SYN2: variants seen among roughly 807,000 people sequenced by gnomAD.
SYN2 encodes synapsin-2.
A neutral mutation model predicts 50.9 loss-of-function variants in SYN2; 19 were observed. The ratio of observed to expected loss-of-function variants is 0.37; its 90% CI spans 0.26 to 0.55. The LOEUF (loss-of-function observed/expected upper bound fraction) is 0.55, where lower values mean the gene tolerates loss of function less well. Ranked by LOEUF, SYN2 falls within the 20% of genes least tolerant of loss-of-function variation. The pLI is 0.81. For synonymous variants in SYN2, 255 were observed against 224.9 expected, an observed-to-expected ratio of 1.13 and a Z score of -1.20; for missense variants, 587 against 576.4, an observed-to-expected ratio of 1.02 and a Z score of -0.19.
At chr3:12,069,192 T>C (rs759000959) in intron 1 of SYN2, among the ~76,000 whole-genome samples, 12 of 152,250 alleles carry the variant, frequency 7.9e-5, no homozygotes, top group Non-Finnish European at 1.8e-4. Flanking sequence ...GTTTCCACTT[T>C]TTGGCCGTAT....
At position 12,082,032 on chromosome 3, in the gene SYN2, AT is replaced by A. The variant is rs879300015; in HGVS notation, c.378-58617del. 7.9e-5 allele frequency among the ~76,000 whole-genome samples: 12 copies of A among 152,324 alleles called. No individual in the cohort carries two copies. The East Asian group carries it at 2.3e-3, about 29-fold the overall frequency. On this transcript the variant is annotated intron_variant, in intron 1 of 12. Coordinates refer to ENST00000621198, the MANE Select transcript of SYN2 (RefSeq NM_133625.6). ...CCCCAGAACCACCCCCATTTTGATG[AT>A]TCACTAGGGGAACACCCAGGGCTCA... is the stretch of plus-strand genomic sequence containing the variant.
intron 1 of SYN2, among the ~76,000 whole-genome samples, chr3:12,040,066 G>T (rs1036057059): frequency 6.6e-6 from 1 of 152,158 alleles, no homozygotes. Context: ...AAAGTATGCT[G>T]ATTTGGGACA....
intron 12 of SYN2, among the ~76,000 whole-genome samples, chr3:12,188,758 C>T (rs571865340): frequency 6.6e-5 from 10 of 152,280 alleles, no homozygotes; most frequent in Non-Finnish European, 1.2e-4. Context: ...CTCCCCAGCT[C>T]GGGCCAGTGG....
chr3:12,035,050 G>A (rs1306860703), intron 1 of SYN2, among the ~76,000 whole-genome samples: 4 of 152,194 alleles, frequency 2.6e-5, no homozygotes, highest in Non-Finnish European at 4.4e-5. Flanking sequence ...AAAATATAAT[G>A]GTGGGACAGG....
intron 1 of SYN2, among the ~76,000 whole-genome samples, chr3:12,074,711 T>C (rs953908693): frequency 6.6e-6 from 1 of 152,140 alleles, no homozygotes; most frequent in African/African-American, 2.4e-5. Context: ...ACTCCCTATA[T>C]TTAGTTGATT....
At chr3:12,097,290 A>G (rs111476841) in intron 1 of SYN2, among the ~76,000 whole-genome samples, 64 of 152,310 alleles carry the variant, frequency 4.2e-4, no homozygotes, top group African/African-American at 1.5e-3. Flanking sequence ...ATGTCCATCA[A>G]TGATAGACTG....
At chr3:12,140,844 C>T (rs1376998525) in intron 2 of SYN2, 136 bp downstream of exon 2, 1 of 682,062 alleles carries the variant, frequency 1.5e-6, no homozygotes, top group Non-Finnish European at 2.7e-6. Flanking sequence ...TCCTCTCTCT[C>T]CTATCCTTTC....
intron 12 of SYN2, among the ~76,000 whole-genome samples, chr3:12,189,733 C>T (rs538203124): frequency 2.6e-4 from 39 of 152,118 alleles, no homozygotes; most frequent in African/African-American, 8.4e-4. Context: ...AACCGGGAGG[C>T]GGAGGTTGCA....
At chr3:12,152,044 A>G (rs991721888) in intron 5 of SYN2, among the ~76,000 whole-genome samples, 4 of 152,096 alleles carry the variant, frequency 2.6e-5, no homozygotes, top group African/African-American at 4.8e-5. Context: ...GGTGTGATCA[A>G]TTGGTGATCG....
At chr3:12,132,014 C>A (rs1357624059) in intron 1 of SYN2, among the ~76,000 whole-genome samples, 1 of 148,682 alleles carries the variant, frequency 6.7e-6, no homozygotes, top group African/African-American at 2.5e-5. Flanking sequence ...TTTTTCCTTT[C>A]TTTTCTTTTT....
intron 6 of SYN2, 139 bp downstream of exon 6, chr3:12,161,747 C>G (rs968016281): frequency 2.3e-5 from 26 of 1,115,268 alleles, no homozygotes; most frequent in Non-Finnish European, 3.4e-5. Context: ...CCTCTAAAGC[C>G]ATGAGTGTCA....
intron 1 of SYN2, among the ~76,000 whole-genome samples, chr3:12,107,632 G>C (rs750660702): frequency 5.3e-5 from 8 of 152,126 alleles, no homozygotes; most frequent in Non-Finnish European, 8.8e-5. Context: ...CAGTGAGTGC[G>C]GTGGCTCACG....
At chr3:12,151,099 C>T in intron 4 of SYN2, 138 bp from the exon 5 acceptor site, 1 of 628,050 alleles carries the variant, frequency 1.6e-6, no homozygotes, top group Admixed American at 2.6e-5. Flanking sequence ...AGGAATTGTA[C>T]ACTTCTTTTA....
At chr3:12,068,253 C>T (rs1167519861) in intron 1 of SYN2, among the ~76,000 whole-genome samples, 1 of 151,732 alleles carries the variant, frequency 6.6e-6, no homozygotes, top group African/African-American at 2.4e-5. Flanking sequence ...TGATAGTTTG[C>T]TGGCTTTAGA....
intron 12 of SYN2, among the ~76,000 whole-genome samples, chr3:12,190,240 T>G (rs1319804119): frequency 6.6e-6 from 1 of 152,202 alleles, no homozygotes; most frequent in African/African-American, 2.4e-5. Context: ...TTTCCCTTCT[T>G]TATTTTTTTC....
At chr3:12,028,275 T>G (rs1694308405) in intron 1 of SYN2, among the ~76,000 whole-genome samples, 1 of 152,058 alleles carries the variant, frequency 6.6e-6, no homozygotes. Flanking sequence ...CAGTCTATCA[T>G]CGTTGGACAT....
At chr3:12,083,935 A>G (rs1326020217) in intron 1 of SYN2, among the ~76,000 whole-genome samples, 1 of 152,202 alleles carries the variant, frequency 6.6e-6, no homozygotes, top group Non-Finnish European at 1.5e-5. Flanking sequence ...GAGACCATAT[A>G]ATGTGTTTCA....
intron 1 of SYN2, among the ~76,000 whole-genome samples, chr3:12,082,887 C>T (rs930092940): frequency 2.0e-5 from 3 of 152,132 alleles, no homozygotes; most frequent in African/African-American, 4.8e-5. Flanking sequence ...TTTTTTATTT[C>T]AGAGTTTTCT....
chr3:12,158,807 C>A, intron 5 of SYN2: 2 of 1,600,364 alleles, frequency 1.2e-6, no homozygotes, highest in Non-Finnish European at 1.7e-6. Context: ...AGCAACAGCA[C>A]CCAGCTTGGC....
Sources: gnomAD v4.1 joint callset for allele counts (sites outside exome capture counted in the v4.1 genomes callset) on GRCh38, gnomAD v4.1.1 for gene constraint, MANE v1.5 for transcripts, NCBI Gene and HGNC (gene_info 2026-07-23, HGNC 2026-07-21) for gene names.